The following USP7 variants were observed in gnomAD, a reference collection of about 807,000 sequenced individuals.
The protein encoded by USP7 is ubiquitin C-terminal hydrolase 7.
In USP7, 9 loss-of-function variants were observed where a neutral mutation model predicts 162.9. The ratio of observed to expected loss-of-function variants is 0.06; its 90% CI spans 0.03 to 0.10. The LOEUF (loss-of-function observed/expected upper bound fraction) is 0.10, where lower values mean the gene tolerates loss of function less well. Ranked by LOEUF, USP7 falls within the 10% of genes least tolerant of loss-of-function variation. The pLI is 1.00. For synonymous variants in USP7, 562 were observed against 475.9 expected (o/e 1.18, Z -2.35); for missense variants, 715 against 1,373.7 (o/e 0.52, Z 7.58).
chr16:8,959,750 T>C (rs1036356193), intron 1 of USP7, among the ~76,000 whole-genome samples: 1 of 152,334 alleles, frequency 6.6e-6, no homozygotes, highest in East Asian at 1.9e-4. Flanking sequence ...AGAACTCACA[T>C]TCTACTCCCA....
At chr16:8,938,339 CAA>C (rs55790221) in intron 1 of USP7, among the ~76,000 whole-genome samples, 108 of 141,526 alleles carry the variant, frequency 7.6e-4, no homozygotes, top group African/African-American at 2.0e-3. Context: ...ATAACACAGT[CAA>C]AAAAAAAAAA....
At chr16:8,924,978 G>A (rs1255741549) in intron 2 of USP7, among the ~76,000 whole-genome samples, 1 of 152,176 alleles carries the variant, frequency 6.6e-6, no homozygotes, top group African/African-American at 2.4e-5. Context: ...TAATCCTTTT[G>A]AGGATAGAAG....
chr16:8,895,842 T>G (rs928528038), intron 26 of USP7, 101 bp from the exon 27 acceptor site: 6 of 257,264 alleles, frequency 2.3e-5, no homozygotes, highest in African/African-American at 8.6e-5. Context: ...ACGATATGTT[T>G]TTTTTTTTTT....
At chr16:8,936,067 G>A (rs1015567284) in intron 1 of USP7, among the ~76,000 whole-genome samples, 4 of 151,992 alleles carry the variant, frequency 2.6e-5, no homozygotes, top group African/African-American at 4.8e-5. Flanking sequence ...CGGGGGTCGC[G>A]AACACAATAC....
chr16:8,896,535 G>T (rs1451988360), intron 26 of USP7, among the ~76,000 whole-genome samples: 1 of 152,104 alleles, frequency 6.6e-6, no homozygotes, highest in Non-Finnish European at 1.5e-5. Flanking sequence ...TCAATTCAGG[G>T]GCTTCTTTCT....
intron 6 of USP7, 131 bp downstream of exon 6, chr16:8,918,900 G>T: frequency 1.2e-6 from 1 of 858,098 alleles, no homozygotes; most frequent in Non-Finnish European, 1.9e-6. Flanking sequence ...AACGCAGCAT[G>T]AACTAGCAGC....
chr16:8,920,635 C>T (rs758408144), intron 4 of USP7, among the ~76,000 whole-genome samples, 188 bp from the exon 5 acceptor site: 10 of 152,152 alleles, frequency 6.6e-5, no homozygotes, highest in Non-Finnish European at 1.3e-4. Context: ...ACAAATACAG[C>T]AAATGCTTGG....
At chr16:8,904,811 A>C (rs563837093) in intron 14 of USP7, among the ~76,000 whole-genome samples, 1 of 151,404 alleles carries the variant, frequency 6.6e-6, no homozygotes, top group Non-Finnish European at 1.5e-5. Context: ...AAATAAAATA[A>C]AATACAAAAA....
chr16:8,950,609 G>C (rs1375311878), intron 1 of USP7, among the ~76,000 whole-genome samples: 1 of 152,168 alleles, frequency 6.6e-6, no homozygotes, highest in African/African-American at 2.4e-5. Context: ...CGCTGACAGA[G>C]ACAACAGTCT....
chr16:8,905,629 T>A (rs1227467963), intron 13 of USP7, among the ~76,000 whole-genome samples: 1 of 152,198 alleles, frequency 6.6e-6, no homozygotes, highest in Non-Finnish European at 1.5e-5. Context: ...CATTTTCCAC[T>A]TACATTCAAT....
At chr16:8,933,932 T>C (rs1364409969) in intron 1 of USP7, among the ~76,000 whole-genome samples, 1 of 152,118 alleles carries the variant, frequency 6.6e-6, no homozygotes, top group Non-Finnish European at 1.5e-5. Flanking sequence ...ATTTTTTTTA[T>C]TTTTAGTAGA....
At chr16:8,937,265 C>T (rs1029244558) in intron 1 of USP7, among the ~76,000 whole-genome samples, 1 of 152,116 alleles carries the variant, frequency 6.6e-6, no homozygotes, top group Non-Finnish European at 1.5e-5. Context: ...GCAATCTGGG[C>T]CAGGCAGGGT....
chr16:8,930,354 C>T lies in USP7; in HGVS notation c.123G>A (p.Val41=), dbSNP rs780588278. The T allele has an allele frequency of 1.2e-6, 2 of 1,613,648 alleles. No homozygotes were observed. Among genetic ancestry groups the T allele is most frequent in the Middle Eastern group, 1.6e-4 (1 of 6,062 alleles). The change falls in exon 2 of 31, where the codon GTG becomes GTA. Residue 41 remains valine (V), a synonymous_variant. Coordinates refer to ENST00000344836, the MANE Select transcript of USP7 (RefSeq NM_003470.3). ...DDPPRITQNP[V]INGNVALSDG... is the part of the protein sequence containing the mutation. ...CACTCAGGGCCACATTCCCATTGAT[C>T]ACAGGGTTCTGAGTAATTCTTGGTG... is the stretch of plus-strand genomic sequence containing the variant.
At chr16:8,894,212 T>C in intron 30 of USP7, 108 bp from the exon 31 acceptor site, 2 of 1,057,370 alleles carry the variant, frequency 1.9e-6, no homozygotes, top group South Asian at 2.6e-5. Context: ...AAGGGGTAAG[T>C]TCGCAGGGAA....
chr16:8,907,626 C>A (rs543722021), intron 12 of USP7, among the ~76,000 whole-genome samples: 1 of 152,208 alleles, frequency 6.6e-6, no homozygotes, highest in Admixed American at 6.5e-5. Context: ...GAGGCTGAGG[C>A]CGGCAGATCA....
intron 2 of USP7, 41 bp downstream of exon 2, chr16:8,930,252 A>T (rs778803654): frequency 6.6e-7 from 1 of 1,508,968 alleles, no homozygotes. Context: ...TTTTCTGACA[A>T]GTTTCCGCCC....
At chr16:8,904,319 C>T in intron 15 of USP7, 116 bp downstream of exon 15, 1 of 1,518,140 alleles carries the variant, frequency 6.6e-7, no homozygotes, top group Non-Finnish European at 8.8e-7. Flanking sequence ...GAGATGGATG[C>T]CCTGCTGCAT....
chr16:8,913,407 G>A (rs931488153), intron 10 of USP7, among the ~76,000 whole-genome samples: 4 of 152,066 alleles, frequency 2.6e-5, no homozygotes, highest in South Asian at 2.1e-4. Flanking sequence ...GAAGTGAAGC[G>A]AAGCGAAGAA....
chr16:8,923,465 A>C, intron 2 of USP7, 52 bp from the exon 3 acceptor site: 1 of 1,584,708 alleles, frequency 6.3e-7, no homozygotes, highest in Non-Finnish European at 8.6e-7. Flanking sequence ...GACCAAAAGC[A>C]CTAGCATTAA....
Sources: allele counts gnomAD v4.1 joint callset (sites outside exome capture counted in the v4.1 genomes callset), GRCh38; gene constraint gnomAD v4.1.1; transcripts MANE v1.5; gene names NCBI Gene and HGNC (gene_info 2026-07-23, HGNC 2026-07-21).